RTN4IP1: variants seen among roughly 807,000 people sequenced by gnomAD.
RTN4IP1 encodes the protein reticulon 4 interacting protein 1, also known as NAD(P)H oxidoreductase RTN4IP1, mitochondrial.
A neutral mutation model predicts 46.6 loss-of-function variants in RTN4IP1; 32 were observed. That is an observed-to-expected ratio of 0.69 (90% CI 0.52 to 0.92). The LOEUF (loss-of-function observed/expected upper bound fraction) is 0.92, where lower values mean the gene tolerates loss of function less well. Among genes scored for constraint, RTN4IP1 ranks in the 40% least tolerant of loss-of-function variants. The pLI is 0.00. For synonymous variants in RTN4IP1, 167 were observed against 161.8 expected (o/e 1.03, Z -0.24); for missense variants, 424 against 485.8 (o/e 0.87, Z 1.20).
At chr6:106,616,819 C>T (rs571341976) in intron 4 of RTN4IP1, among the ~76,000 whole-genome samples, 61 of 152,262 alleles carry the variant, frequency 4.0e-4, no homozygotes, top group African/African-American at 1.5e-3. Context: ...TATTATAACC[C>T]ATGTGTGGTA....
Position 106,571,823 on chromosome 6 carries a change from G to A in RTN4IP1, c.*173C>T. 1 of 543,460 alleles carries A rather than the reference G, an allele frequency of 1.8e-6. No individual in the cohort carries two copies. The highest frequency in any genetic ancestry group is 3.3e-6 in the Non-Finnish European group (1 of 304,674). 33.7% of individuals were successfully genotyped at this position (543,460 alleles called of 1,614,324 possible). Reference sequence around the variant, plus strand: ...CTGACTACAGACAAATCCAAGTGCTGATATTTTTATATCAATTACTGGCCA... The same window carrying A: ...CTGACTACAGACAAATCCAAGTGCTAATATTTTTATATCAATTACTGGCCA... On this transcript the variant is annotated 3_prime_UTR_variant, in exon 9 of 9. Transcript: ENST00000369063.
At chr6:106,575,855 C>G (rs1298405703) in intron 8 of RTN4IP1, among the ~76,000 whole-genome samples, 1 of 152,228 alleles carries the variant, frequency 6.6e-6, no homozygotes, top group Non-Finnish European at 1.5e-5. Flanking sequence ...AAGTCACAGT[C>G]TATTCCACTT....
At chr6:106,612,560 G>A (rs545263725) in intron 4 of RTN4IP1, among the ~76,000 whole-genome samples, 7 of 152,070 alleles carry the variant, frequency 4.6e-5, no homozygotes, top group East Asian at 1.9e-4. Context: ...TGTTAGATAC[G>A]AGTTCTAAAT....
At chr6:106,590,179 G>T (rs985320947) in intron 6 of RTN4IP1, among the ~76,000 whole-genome samples, 2 of 152,070 alleles carry the variant, frequency 1.3e-5, no homozygotes, top group African/African-American at 2.4e-5. Flanking sequence ...AATTAGCCGG[G>T]TGTGATGGTG....
At chr6:106,629,549 C>A, upstream of RTN4IP1, 2 of 1,140,976 alleles carry the variant, frequency 1.8e-6, no homozygotes, top group South Asian at 1.5e-5. Flanking sequence ...GCAATTCAAC[C>A]AATCCAAGTA....
At chr6:106,625,151 T>C (rs1447882530) in intron 1 of RTN4IP1, among the ~76,000 whole-genome samples, 1 of 151,576 alleles carries the variant, frequency 6.6e-6, no homozygotes, top group Non-Finnish European at 1.5e-5. Context: ...CTTGACCTTT[T>C]TTTGAGAACC....
intron 8 of RTN4IP1, among the ~76,000 whole-genome samples, chr6:106,573,595 A>G (rs758372735): frequency 2.0e-5 from 3 of 152,252 alleles, no homozygotes; most frequent in Admixed American, 1.3e-4. Context: ...TTTAATCCCC[A>G]TAACCATTTT....
rs532755260 is a variant in RTN4IP1 at position 106,578,948 on chromosome 6, A to G, written c.1083+4380T>C. Among the ~76,000 whole-genome samples, 313 of 151,972 alleles carry G rather than the reference A, an allele frequency of 2.1e-3. 1 individual carries two copies. The highest frequency in any genetic ancestry group is 7.0e-3 in the African/African-American group (292 of 41,458). On this transcript the variant is annotated intron_variant, in intron 8 of 8. Transcript: ENST00000369063. ...TTTTTTAACAAATCTTTAAAAATAT[A>G]AAAACCAGCTGGGCGTGGTGGCTCA...
chr6:106,578,883 G>A (rs1775289079), intron 8 of RTN4IP1, among the ~76,000 whole-genome samples: 1 of 151,752 alleles, frequency 6.6e-6, no homozygotes, highest in Non-Finnish European at 1.5e-5. Flanking sequence ...GGCTTTGCAG[G>A]CTTCACATGG....
chr6:106,617,518 T>C (rs1463341479), intron 4 of RTN4IP1, among the ~76,000 whole-genome samples: 1 of 152,170 alleles, frequency 6.6e-6, no homozygotes, highest in South Asian at 2.1e-4. Flanking sequence ...ACCATAAATA[T>C]ATAGCATGTG....
At chr6:106,594,636 C>G (rs999831360) in intron 5 of RTN4IP1, among the ~76,000 whole-genome samples, 2 of 152,134 alleles carry the variant, frequency 1.3e-5, no homozygotes, top group Non-Finnish European at 2.9e-5. Context: ...ACCACAGAAG[C>G]CCCTCCTACC....
intron 5 of RTN4IP1, among the ~76,000 whole-genome samples, chr6:106,597,513 T>C (rs1395520559): frequency 6.6e-6 from 1 of 151,976 alleles, no homozygotes; most frequent in Non-Finnish European, 1.5e-5. Flanking sequence ...CCAGCTAATT[T>C]TTGTATTTTT....
intron 4 of RTN4IP1, among the ~76,000 whole-genome samples, chr6:106,608,153 A>T (rs566211290): frequency 6.6e-6 from 1 of 152,270 alleles, no homozygotes; most frequent in South Asian, 2.1e-4. Flanking sequence ...TCAGCCATAA[A>T]AAAGAAAGAA....
At chr6:106,575,527 CCT>C (rs10606700) in intron 8 of RTN4IP1, among the ~76,000 whole-genome samples, 2 of 152,068 alleles carry the variant, frequency 1.3e-5, no homozygotes, top group South Asian at 4.1e-4. Flanking sequence ...AGGCAAAAAC[CCT>C]CTCTAACACT....
At chr6:106,592,929 C>CAAA (rs35497573) in intron 5 of RTN4IP1, among the ~76,000 whole-genome samples, 1 of 114,216 alleles carries the variant, frequency 8.8e-6, no homozygotes, top group Admixed American at 8.5e-5. Flanking sequence ...GACTTCATCT[C>CAAA]AAAAAAAAAA....
chr6:106,589,404 T>G (rs906898371), intron 6 of RTN4IP1, among the ~76,000 whole-genome samples: 5 of 151,762 alleles, frequency 3.3e-5, no homozygotes, highest in Non-Finnish European at 7.4e-5. Context: ...ATGACCTTAA[T>G]AGATGACCAT....
chr6:106,572,943 G>C (rs1235647907), intron 8 of RTN4IP1, among the ~76,000 whole-genome samples: 1 of 152,208 alleles, frequency 6.6e-6, no homozygotes, highest in Non-Finnish European at 1.5e-5. Context: ...TCACTTAGGT[G>C]AAAGCTAATA....
intron 5 of RTN4IP1, among the ~76,000 whole-genome samples, chr6:106,601,149 T>G (rs886214658): frequency 1.3e-5 from 2 of 152,200 alleles, no homozygotes; most frequent in Non-Finnish European, 2.9e-5. Context: ...GTGGTTTGGA[T>G]TTGCATTTCT....
At chr6:106,596,152 A>G (rs1476758737) in intron 5 of RTN4IP1, among the ~76,000 whole-genome samples, 1 of 152,128 alleles carries the variant, frequency 6.6e-6, no homozygotes, top group Non-Finnish European at 1.5e-5. Context: ...TATTTAATAT[A>G]CTCCAGGTTA....
Sources: gnomAD v4.1 joint callset for allele counts (sites outside exome capture counted in the v4.1 genomes callset) on GRCh38, gnomAD v4.1.1 for gene constraint, MANE v1.5 for transcripts, NCBI Gene and HGNC (gene_info 2026-07-23, HGNC 2026-07-21) for gene names.